CD300LG: variants seen among roughly 807,000 people sequenced by gnomAD.
CD300LG encodes CMRF35-like molecule 9.
CD300LG carries 29 observed loss-of-function variants against 31.5 expected under a neutral mutation model. That is an observed-to-expected ratio of 0.92 (90% CI 0.68 to 1.25). CD300LG has a LOEUF of 1.25. Among genes scored for constraint, CD300LG ranks in the 50% most tolerant of loss-of-function variants. The pLI, the probability that CD300LG is intolerant of heterozygous loss-of-function variation, is 0.00. For synonymous variants in CD300LG, 175 were observed against 177.2 expected, an observed-to-expected ratio of 0.99 and a Z score of 0.10; for missense variants, 396 against 417.6, an observed-to-expected ratio of 0.95 and a Z score of 0.45.
At chr17:43,851,556 C>T (rs527873888) in intron 2 of CD300LG, among the ~76,000 whole-genome samples, 1 of 151,400 alleles carries the variant, frequency 6.6e-6, no homozygotes, top group East Asian at 1.9e-4. Flanking sequence ...GACAGATGGA[C>T]TTGGGGAAGT....
At chr17:43,858,906 G>A (rs1188396661) in intron 6 of CD300LG, among the ~76,000 whole-genome samples, 3 of 152,132 alleles carry the variant, frequency 2.0e-5, no homozygotes, top group African/African-American at 2.4e-5. Context: ...CCATCCATTC[G>A]TCTGCCTCAT....
At chr17:43,858,710 G>A (rs1163047272) in intron 6 of CD300LG, 1 of 985,380 alleles carries the variant, frequency 1.0e-6, no homozygotes, top group Non-Finnish European at 1.2e-6. Context: ...ATAGGATTTA[G>A]CAGAGTCTGG....
At chr17:43,849,237 A>C in intron 2 of CD300LG, 4 of 422,790 alleles carry the variant, frequency 9.5e-6, no homozygotes, top group Non-Finnish European at 1.7e-5. Context: ...GATAAAGAAG[A>C]CTCCTCGCCT....
rs1368448122 is a variant in CD300LG, at chr17:43,848,821, G to C, written c.307G>C (p.Gly103Arg). Residue 103 changes from glycine (G) to arginine (R), a missense_variant, in exon 2 of 7, where the codon GGG becomes CGG. Coordinates refer to ENST00000317310, the MANE Select transcript of CD300LG (RefSeq NM_145273.4). ...TLWNLTLQDA[G>R]EYWCGVEKRG... ...GTGGAACCTCACCCTGCAAGACGCT[G>C]GGGAGTACTGGTGTGGGGTCGAAAA... is the stretch of plus-strand genomic sequence containing the variant. 1.9e-6 allele frequency: 3 copies of C among 1,614,050 alleles called. No homozygotes were observed. Among genetic ancestry groups the C allele is most frequent in the Non-Finnish European group, 2.5e-6 (3 of 1,180,048 alleles).
chr17:43,852,787 C>T (rs375712176), intron 2 of CD300LG, 125 bp from the exon 3 acceptor site: 20 of 656,350 alleles, frequency 3.0e-5, no homozygotes, highest in Non-Finnish European at 3.7e-5. Flanking sequence ...CCTGGTTGGC[C>T]GAGGCGAAAG....
At position 43,854,044 on chromosome 17, in the gene CD300LG, G is replaced by A; in HGVS notation, c.719G>A (p.Arg240Lys). 4 of 1,611,488 alleles carry A rather than the reference G, an allele frequency of 2.5e-6. No homozygotes were observed. Among genetic ancestry groups the A allele is most frequent in the Non-Finnish European group, 2.5e-6 (3 of 1,177,832 alleles). ...CTCAGCAGTGGCAGCTCTAAGCCCA[G>A]GTGAGCCCCAGGTGACCAACATCCC... ...PALSSGSSKP[R>K]VSIPMVRILA... The change falls in exon 4 of 7, where the codon AGG (arginine) becomes AAG (lysine). Residue 240 changes from arginine to lysine, a missense_variant and splice_region_variant. Coordinates refer to ENST00000317310, the MANE Select transcript of CD300LG (RefSeq NM_145273.4).
Position 43,858,010 on chromosome 17 carries a change from G to A in CD300LG, c.885+854G>A, listed in dbSNP as rs1246398998. On this transcript the variant is annotated intron_variant, in intron 6 of 6. Coordinates refer to ENST00000317310, the MANE Select transcript of CD300LG (RefSeq NM_145273.4). ...CTCCAACGGAGGGGGCTGCAGCATC[G>A]CACTTCAGGCAACAGAAGCCCCTCC... 31 of 1,461,868 alleles carry A rather than the reference G, an allele frequency of 2.1e-5. 1 individual carries two copies. The South Asian group carries it at 3.1e-4, about 15-fold the overall frequency. The allele number at this position is 1,461,868 out of a possible 1,614,324, so 90.6% of individuals were successfully genotyped here. A position where few individuals can be genotyped will look rare whatever the true frequency, so the allele number is the denominator to read the frequency against.
rs540418971 is a variant in CD300LG, at chr17:43,862,360, A to T, written c.*449A>T. 6.6e-6 allele frequency: 1 copy of T among 152,410 alleles called. No individual in the cohort carries two copies. Among genetic ancestry groups the T allele is most frequent in the African/African-American group, 2.4e-5 (1 of 41,464 alleles). 9.4% of individuals were successfully genotyped at this position (152,410 alleles called of 1,614,324 possible). A position where few individuals can be genotyped will look rare whatever the true frequency, so the allele number is the denominator to read the frequency against. On this transcript the variant is annotated 3_prime_UTR_variant, in exon 7 of 7. Coordinates refer to ENST00000317310, the MANE Select transcript of CD300LG (RefSeq NM_145273.4). ...CCACGGTCTCCTGCATCAGCTGGTG[A>T]TGAAGAGGAGCATGCTGGGGTGAGA...
intron 2 of CD300LG, among the ~76,000 whole-genome samples, chr17:43,851,165 A>C (rs952626256): frequency 6.7e-6 from 1 of 150,178 alleles, no homozygotes; most frequent in African/African-American, 2.5e-5. Context: ...AAGAAGAAGA[A>C]GTATAAATGT....
At chr17:43,854,218 A>C (rs897463074) in intron 4 of CD300LG, among the ~76,000 whole-genome samples, 174 bp downstream of exon 4, 2 of 152,200 alleles carry the variant, frequency 1.3e-5, no homozygotes, top group Non-Finnish European at 2.9e-5. Flanking sequence ...GACAGCTTGT[A>C]CTATAGGAGC....
Position 43,847,179 on chromosome 17 carries a change from G to T in CD300LG, c.-38G>T. ...CCGTGTGACTGAAGAGGAGCTCACAGTTCCCAGCGTCTGCTCCCACGGTGT... is the reference window on the plus strand; with the variant it reads ...CCGTGTGACTGAAGAGGAGCTCACATTTCCCAGCGTCTGCTCCCACGGTGT... On this transcript the variant is annotated 5_prime_UTR_variant, in exon 1 of 7. Transcript: ENST00000317310. 1.2e-6 allele frequency: 2 copies of T among 1,611,690 alleles called. No homozygotes were observed. The highest frequency in any genetic ancestry group is 2.7e-5 in the African/African-American group (2 of 74,992).
intron 6 of CD300LG, chr17:43,857,488 C>G (rs1034449545): frequency 6.5e-7 from 1 of 1,528,926 alleles, no homozygotes; most frequent in Admixed American, 2.0e-5. Flanking sequence ...AGAGCTGGAT[C>G]CAGATGAAGC....
In CD300LG at chr17:43,848,805, C is replaced by T; in HGVS notation, c.291C>T (p.Leu97=). 6.2e-7 allele frequency: 1 copy of T among 1,614,206 alleles called. No homozygotes were observed. Among genetic ancestry groups the T allele is most frequent in the Admixed American group, 1.7e-5 (1 of 60,034 alleles). Residue 97 remains leucine, a synonymous_variant, in exon 2 of 7, where the codon CTC becomes CTT. Transcript: ENST00000317310. ...ELSLIVTLWN[L]TLQDAGEYWC... ...CGCTCATTGTGACCCTGTGGAACCT[C>T]ACCCTGCAAGACGCTGGGGAGTACT...
intron 6 of CD300LG, 48 bp downstream of exon 6, chr17:43,857,204 TG>T: frequency 1.2e-6 from 2 of 1,605,912 alleles, no homozygotes; most frequent in Non-Finnish European, 1.7e-6. Flanking sequence ...CCCTTGGGGC[TG>T]GAAGTCAAGA....
Position 43,853,812 on chromosome 17 carries a change from C to G in CD300LG, c.487C>G (p.Pro163Ala), listed in dbSNP as rs2046429238. The G allele has an allele frequency of 6.2e-7, 1 of 1,613,290 alleles. No homozygotes were observed. The highest frequency in any genetic ancestry group is 1.3e-5 in the African/African-American group (1 of 74,848). Reference protein sequence around the residue: ...QQTQPPGLTSPGLYPAATTAK... With the variant: ...QQTQPPGLTSAGLYPAATTAK... ...CATTGCTTTTGGACTTGTAGCTTCT[C>G]CTGGGCTCTACCCGGCAGCCACCAC... is the stretch of plus-strand genomic sequence containing the variant. Residue 163 changes from proline (P) to alanine (A), a missense_variant, in exon 4 of 7, where the codon CCT becomes GCT. Pro to Ala is a conservative substitution (Grantham distance 27). Coordinates refer to ENST00000317310, the MANE Select transcript of CD300LG (RefSeq NM_145273.4).
intron 5 of CD300LG, 44 bp downstream of exon 5, chr17:43,855,363 C>G (rs751779269): frequency 8.0e-7 from 1 of 1,245,888 alleles, no homozygotes; most frequent in Non-Finnish European, 1.1e-6. Context: ...CTCACTGGGC[C>G]AGGGACCTCA....
At chr17:43,857,978 G>T (rs2046573276) in intron 6 of CD300LG, 1 of 1,508,846 alleles carries the variant, frequency 6.6e-7, no homozygotes, top group African/African-American at 1.4e-5. Flanking sequence ...GCCCTCCGAG[G>T]CCAGCACTCC....
chr17:43,855,156 ACT>A, intron 4 of CD300LG, 49 bp from the exon 5 acceptor site: 1 of 1,289,962 alleles, frequency 7.8e-7, no homozygotes, highest in Non-Finnish European at 1.1e-6. Flanking sequence ...AAGGACATAG[ACT>A]CTGGCTTATC....
rs938572546 is a variant in CD300LG, at chr17:43,848,673, G to A, written c.159G>A (p.Lys53=). 1 of 1,614,056 alleles carries A rather than the reference G, an allele frequency of 6.2e-7. No homozygotes were observed. The highest frequency in any genetic ancestry group is 8.5e-7 in the Non-Finnish European group (1 of 1,180,034). ...ACCACCGGAAGTACTGGTGCAGGAA[G>A]GGTGGGATCCTCTTCTCTCGCTGCT... ...LRDHRKYWCR[K]GGILFSRCSG... The change falls in exon 2 of 7, where the codon AAG becomes AAA. Residue 53 remains lysine (K), a synonymous_variant. Coordinates refer to ENST00000317310, the MANE Select transcript of CD300LG (RefSeq NM_145273.4).
Sources: gnomAD v4.1 joint callset for allele counts (sites outside exome capture counted in the v4.1 genomes callset) on GRCh38, gnomAD v4.1.1 for gene constraint, MANE v1.5 for transcripts, NCBI Gene and HGNC (gene_info 2026-07-23, HGNC 2026-07-21) for gene names.